Variants in AKAP13 observed in about 807,000 individuals in gnomAD.
AKAP13 encodes A-kinase anchoring protein 13.
In AKAP13, 80 loss-of-function variants were observed where a neutral mutation model predicts 264.5. The observed-to-expected ratio is 0.30, with a 90% CI of 0.25 to 0.36. The LOEUF (loss-of-function observed/expected upper bound fraction) is 0.36. AKAP13 is among the 10% of genes least tolerant of loss of function. AKAP13 has a pLI of 1.00. For missense variants in AKAP13, 3,712 were observed against 3,435.2 expected, an observed-to-expected ratio of 1.08 and a Z score of -2.01; for synonymous variants, 1,380 against 1,250.2, an observed-to-expected ratio of 1.10 and a Z score of -2.19.
rs1342547147 is a variant in AKAP13, at chr15:85,730,567, T to C, written c.7142T>C (p.Met2381Thr). ...CTACTCTTGTTGGAAGAGAAGGAGA[T>C]GATTTTCCGGGACATGGCTGAGTGC... Reference protein sequence around the residue: ...KILLLLEEKEMIFRDMAECST... With the variant: ...KILLLLEEKETIFRDMAECST... The change falls in exon 30 of 37, where the codon ATG becomes ACG. Residue 2381 changes from methionine (M) to threonine (T), a missense_variant. Met to Thr is a moderately conservative substitution (Grantham distance 81). Coordinates refer to ENST00000394518, the MANE Select transcript of AKAP13 (RefSeq NM_007200.5). 6.2e-7 allele frequency: 1 copy of C among 1,614,022 alleles called. No individual in the cohort carries two copies. Among genetic ancestry groups the C allele is most frequent in the African/African-American group, 1.3e-5 (1 of 74,908 alleles).
intron 5 of AKAP13, among the ~76,000 whole-genome samples, chr15:85,568,852 A>G (rs2078702329): frequency 6.6e-6 from 1 of 152,154 alleles, no homozygotes. Context: ...TGATGTCACT[A>G]TTGCTTTGAA....
intron 5 of AKAP13, among the ~76,000 whole-genome samples, chr15:85,557,491 T>C (rs1180118476): frequency 6.6e-6 from 1 of 152,162 alleles, no homozygotes; most frequent in Non-Finnish European, 1.5e-5. Context: ...TTGTGTTTTG[T>C]TGTTTGTTTT....
intron 5 of AKAP13, among the ~76,000 whole-genome samples, chr15:85,568,887 G>A (rs964038583): frequency 1.3e-5 from 2 of 152,152 alleles, no homozygotes; most frequent in Non-Finnish European, 2.9e-5. Flanking sequence ...TAGATTGGGG[G>A]GTAGTGAAGG....
At position 85,585,840 on chromosome 15, in the gene AKAP13, A is replaced by G. The variant is rs767950060; in HGVS notation, c.4161+17A>G. On this transcript the variant is annotated intron_variant, in intron 8 of 36. Transcript: ENST00000394518. Reference sequence around the variant, plus strand: ...ACCCAGGCGGTAAGTGGCATCAGTAAGTCTATAAGGGCACAAAATGTGTTT... The same window carrying G: ...ACCCAGGCGGTAAGTGGCATCAGTAGGTCTATAAGGGCACAAAATGTGTTT... 8.1e-6 allele frequency: 13 copies of G among 1,612,874 alleles called. No homozygotes were observed. The highest frequency in any genetic ancestry group is 2.7e-5 in the African/African-American group (2 of 74,920).
At chr15:85,465,551 T>G (rs2074702920) in intron 1 of AKAP13, among the ~76,000 whole-genome samples, 5 of 137,196 alleles carry the variant, frequency 3.6e-5, no homozygotes. Flanking sequence ...CCTTCCTGTG[T>G]CCATGTGTTC....
intron 1 of AKAP13, among the ~76,000 whole-genome samples, chr15:85,443,550 C>T (rs2073787317): frequency 6.6e-6 from 1 of 152,106 alleles, no homozygotes; most frequent in Non-Finnish European, 1.5e-5. Flanking sequence ...AAATAAATTT[C>T]TGGCGATATG....
chr15:85,422,029 A>G (rs2072548200), intron 1 of AKAP13, among the ~76,000 whole-genome samples: 1 of 152,200 alleles, frequency 6.6e-6, no homozygotes, highest in Non-Finnish European at 1.5e-5. Flanking sequence ...GTTACTGTAA[A>G]TAGAGCATTG....
chr15:85,485,007 G>A (rs961783841), intron 1 of AKAP13, among the ~76,000 whole-genome samples: 3 of 152,142 alleles, frequency 2.0e-5, no homozygotes, highest in African/African-American at 7.2e-5. Flanking sequence ...GTTTGGTAAA[G>A]GACCTACCCT....
At chr15:85,540,879 G>A (rs1050719417) in intron 4 of AKAP13, among the ~76,000 whole-genome samples, 1 of 152,220 alleles carries the variant, frequency 6.6e-6, no homozygotes, top group Non-Finnish European at 1.5e-5. Flanking sequence ...ATGTACTACT[G>A]CTACATGCAG....
chr15:85,511,954 G>A (rs1270068817), intron 2 of AKAP13, among the ~76,000 whole-genome samples: 3 of 151,810 alleles, frequency 2.0e-5, no homozygotes, highest in East Asian at 1.9e-4. Flanking sequence ...TTCTTAGGAC[G>A]TGACTGTGAG....
intron 2 of AKAP13, among the ~76,000 whole-genome samples, chr15:85,494,623 G>A (rs2075821299): frequency 6.6e-6 from 1 of 152,154 alleles, no homozygotes; most frequent in South Asian, 2.1e-4. Flanking sequence ...ATCATTGTAT[G>A]TTAGGAGTGG....
rs1363767592 is a variant in AKAP13, at chr15:85,708,156, G to A, written c.5532+70G>A. The A allele has an allele frequency of 7.6e-6, 11 of 1,441,234 alleles. No homozygotes were observed. Among genetic ancestry groups the A allele is most frequent in the Non-Finnish European group, 9.6e-6 (10 of 1,039,322 alleles). 89.3% of individuals were successfully genotyped at this position (1,441,234 alleles called of 1,614,324 possible). On this transcript the variant is annotated intron_variant, in intron 18 of 36. Transcript: ENST00000394518. This position sits in a 1 kb window ranked among gnomAD's most constrained non-coding sequence, Gnocchi z 4.3. ...AACCAGCAAAATCCTCGGGAGTTGG[G>A]AGAGTTGAGGTTGTGGTGGATTTTG...
At chr15:85,704,607 C>T (rs2086124166) in intron 17 of AKAP13, among the ~76,000 whole-genome samples, 2 of 152,296 alleles carry the variant, frequency 1.3e-5, no homozygotes, top group South Asian at 4.1e-4. Flanking sequence ...GATTAGGGAT[C>T]AGCTCTGTTC....
Position 85,722,297 on chromosome 15 carries a change from G to A in AKAP13, c.6446G>A (p.Arg2149Gln). The A allele has an allele frequency of 6.2e-7, 1 of 1,613,598 alleles. No individual in the cohort carries two copies. The highest frequency in any genetic ancestry group is 8.5e-7 in the Non-Finnish European group (1 of 1,179,790). Residue 2149 changes from arginine (R) to glutamine (Q), a missense_variant, in exon 25 of 37, where the codon CGG (arginine) becomes CAG (glutamine). Physicochemically the swap from Arg to Gln is conservative, Grantham distance 43 (BLOSUM62 1). Around this residue, in one of 3 missense-constraint regions of AKAP13, gnomAD observed 342 missense variants for 484.3 expected, o/e 0.71. Coordinates refer to ENST00000394518, the MANE Select transcript of AKAP13 (RefSeq NM_007200.5). ...IPECILLVTQ[R>Q]ITKYPVLFQR... ...GAGTGCATATTGCTTGTAACTCAGC[G>A]GATTACCAAGTACCCAGTTTTATTC... is the stretch of plus-strand genomic sequence containing the variant.
rs547515062 is a variant in AKAP13, at chr15:85,636,254, C to T, written c.4162-3120C>T. On this transcript the variant is annotated intron_variant, in intron 8 of 36. Transcript: ENST00000394518. ...GTATGTTGACTTTGTGTCTGGCAAC[C>T]TTGCTTTTATTAATACATTATTTAT... 1.8e-4 allele frequency among the ~76,000 whole-genome samples: 27 copies of T among 152,204 alleles called. 1 individual carries two copies. The South Asian group carries it at 5.6e-3, about 32-fold the overall frequency.
Position 85,743,748 on chromosome 15 carries a change from G to A in AKAP13, c.8315G>A (p.Arg2772His), listed in dbSNP as rs780823782. Residue 2772 changes from arginine to histidine, a missense_variant, in exon 36 of 37, where the codon CGC becomes CAC. Coordinates refer to ENST00000394518, the MANE Select transcript of AKAP13 (RefSeq NM_007200.5). Reference protein sequence around the residue: ...QAPASTSASTRLFGLTKPKEK... With the variant: ...QAPASTSASTHLFGLTKPKEK... ...CCTGCGTCCACCTCTGCCTCTACCC[G>A]CCTGTTTGGGTTAACAAAGCCAAAG... 30 of 1,613,948 alleles carry A rather than the reference G, an allele frequency of 1.9e-5. No individual in the cohort carries two copies. Among genetic ancestry groups the A allele is most frequent in the African/African-American group, 4.0e-5 (3 of 74,878 alleles).
intron 3 of AKAP13, among the ~76,000 whole-genome samples, chr15:85,528,587 G>A (rs1049937203): frequency 6.6e-6 from 1 of 152,154 alleles, no homozygotes; most frequent in African/African-American, 2.4e-5. Context: ...AGGCTTCAAG[G>A]TTGAATGACT....
Position 85,533,891 on chromosome 15 carries a change from A to G in AKAP13, c.478+11A>G, listed in dbSNP as rs557246780. On this transcript the variant is annotated intron_variant, in intron 4 of 36. Transcript: ENST00000394518. ...ATCAGAGTTTGCATGGTGAGAATTT[A>G]TATGATCTACAAACACACTTTAAGT... 4 of 1,552,256 alleles carry G rather than the reference A, an allele frequency of 2.6e-6. No individual in the cohort carries two copies. The highest frequency in any genetic ancestry group is 3.5e-6 in the Non-Finnish European group (4 of 1,150,388).
intron 1 of AKAP13, among the ~76,000 whole-genome samples, chr15:85,440,583 A>G (rs1234822080): frequency 1.3e-5 from 2 of 152,226 alleles, no homozygotes; most frequent in Admixed American, 6.5e-5. Flanking sequence ...GGATTTGCAT[A>G]GATGACTCTT....
Sources: allele counts gnomAD v4.1 joint callset (sites outside exome capture counted in the v4.1 genomes callset), GRCh38; gene constraint gnomAD v4.1.1; regional missense constraint gnomAD v4.1.1; non-coding constraint Gnocchi (gnomAD v3.1); transcripts MANE v1.5; gene names NCBI Gene and HGNC (gene_info 2026-07-23, HGNC 2026-07-21).